Variants in ESCO2 observed in about 807,000 individuals in gnomAD.
ESCO2 encodes the protein N-acetyltransferase ESCO2.
A neutral mutation model predicts 61.7 loss-of-function variants in ESCO2; 51 were observed. The observed-to-expected ratio is 0.83, with a 90% CI of 0.66 to 1.04. The LOEUF (loss-of-function observed/expected upper bound fraction) is 1.04, where lower values mean the gene tolerates loss of function less well. Among genes scored for constraint, ESCO2 ranks in the 50% least tolerant of loss-of-function variants. The pLI, the probability that ESCO2 is intolerant of heterozygous loss-of-function variation, is 0.00. For missense variants in ESCO2, 692 were observed against 686.2 expected, an observed-to-expected ratio of 1.01 and a Z score of -0.09; for synonymous variants, 230 against 238.2, an observed-to-expected ratio of 0.97 and a Z score of 0.32.
At chr8:27,772,635 G>A (rs7842666), upstream of ESCO2, 701,054 of 1,294,464 alleles carry the variant, frequency 0.54, 192,146 homozygotes, top group East Asian at 0.82. Context: ...CCTGGCCCCC[G>A]GAACTCCTCC....
upstream of ESCO2, chr8:27,774,254 C>T (rs940600656): frequency 7.9e-5 from 12 of 151,978 alleles, no homozygotes; most frequent in Non-Finnish European, 1.8e-4. Flanking sequence ...AATTTCTTAC[C>T]CCGTGACCCC....
At chr8:27,812,816 A>G (rs1358754681), downstream of ESCO2, among the ~76,000 whole-genome samples, 1 of 152,118 alleles carries the variant, frequency 6.6e-6, no homozygotes, top group Admixed American at 6.5e-5. Context: ...AAAGTCAGGA[A>G]ACAACAGATG....
At chr8:27,790,726 A>C (rs1454937316) in intron 7 of ESCO2, among the ~76,000 whole-genome samples, 1 of 152,204 alleles carries the variant, frequency 6.6e-6, no homozygotes, top group East Asian at 1.9e-4. Flanking sequence ...ATAGTGTTAG[A>C]GATGGATCCT....
intron 7 of ESCO2, among the ~76,000 whole-genome samples, chr8:27,790,811 A>C (rs544499260): frequency 6.6e-6 from 1 of 152,200 alleles, no homozygotes; most frequent in Non-Finnish European, 1.5e-5. Context: ...CTGATTAGCA[A>C]TGCCACGTTT....
intron 3 of ESCO2, 88 bp downstream of exon 3, chr8:27,777,257 C>A: frequency 1.6e-6 from 2 of 1,271,160 alleles, no homozygotes; most frequent in Non-Finnish European, 2.2e-6. Context: ...ATTTTCTGGA[C>A]TGCTTTTATA....
At chr8:27,810,404 G>A (rs1458723181), downstream of ESCO2, 8 of 1,606,208 alleles carry the variant, frequency 5.0e-6, no homozygotes, top group Non-Finnish European at 6.8e-6. Context: ...TTACTTTCTG[G>A]TATGATTCAT....
At chr8:27,808,338 G>T (rs1805604950), downstream of ESCO2, 1 of 524,340 alleles carries the variant, frequency 1.9e-6, no homozygotes, top group Non-Finnish European at 2.8e-6. Context: ...TTTCCTGGGA[G>T]GTGAGAAAGC....
At chr8:27,805,636 C>CT (rs1198223789), downstream of ESCO2, among the ~76,000 whole-genome samples, 3 of 151,906 alleles carry the variant, frequency 2.0e-5, no homozygotes, top group East Asian at 3.9e-4. Flanking sequence ...TGGTTTCTTT[C>CT]TTTTTTTCCC....
intron 9 of ESCO2, among the ~76,000 whole-genome samples, chr8:27,795,188 A>G (rs1433565120): frequency 1.3e-5 from 2 of 152,146 alleles, no homozygotes; most frequent in Admixed American, 1.3e-4. Flanking sequence ...GATATTCTTC[A>G]TCTTCTTTCA....
downstream of ESCO2, among the ~76,000 whole-genome samples, chr8:27,814,787 C>T (rs1805779137): frequency 6.6e-6 from 1 of 152,094 alleles, no homozygotes; most frequent in Non-Finnish European, 1.5e-5. Context: ...TACTGAATTT[C>T]CAAATACTTG....
chr8:27,803,560 A>ACG lies in ESCO2; in HGVS notation c.*123_*124insGC, dbSNP rs1805500196. 2 of 1,457,502 alleles carry ACG rather than the reference A, an allele frequency of 1.4e-6. No homozygotes were observed. Among genetic ancestry groups the ACG allele is most frequent in the Non-Finnish European group, 1.8e-6 (2 of 1,112,350 alleles). 90.3% of individuals were successfully genotyped at this position (1,457,502 alleles called of 1,614,324 possible). On this transcript the variant is annotated 3_prime_UTR_variant, in exon 11 of 11. Coordinates refer to ENST00000305188, the MANE Select transcript of ESCO2 (RefSeq NM_001017420.3). ...GAGACTCACACTCATACACACACAC[A>ACG]CACACACGCACACACACATATCACA...
chr8:27,776,332 C>T, intron 2 of ESCO2, 30 bp from the exon 3 acceptor site: 1 of 1,565,442 alleles, frequency 6.4e-7, no homozygotes, highest in Non-Finnish European at 8.7e-7. Context: ...GCAAAATAAT[C>T]TTATCAATGG....
downstream of ESCO2, chr8:27,809,930 C>A: frequency 5.6e-6 from 1 of 178,828 alleles, no homozygotes; most frequent in Non-Finnish European, 1.2e-5. Flanking sequence ...TTATTTTGTA[C>A]TGTACAAAGT....
At chr8:27,782,477 T>G (rs1346252032) in intron 4 of ESCO2, among the ~76,000 whole-genome samples, 1 of 152,136 alleles carries the variant, frequency 6.6e-6, no homozygotes, top group African/African-American at 2.4e-5. Context: ...TTGGGCAGGG[T>G]GGTCTCAAAC....
chr8:27,786,804 ACTT>A (rs1308049470), intron 5 of ESCO2, among the ~76,000 whole-genome samples: 11 of 71,400 alleles, frequency 1.5e-4, no homozygotes, highest in African/African-American at 6.2e-4. Context: ...TTTTTTTTCT[ACTT>A]TGTCAGGTTT....
upstream of ESCO2, chr8:27,772,601 A>G (rs1348753481): frequency 2.0e-6 from 3 of 1,507,592 alleles, no homozygotes; most frequent in Admixed American, 2.0e-5. Flanking sequence ...CACGAAGCTC[A>G]GGATACCAGA....
At chr8:27,796,731 C>G (rs547254722) in intron 9 of ESCO2, among the ~76,000 whole-genome samples, 47 of 152,310 alleles carry the variant, frequency 3.1e-4, no homozygotes, top group African/African-American at 1.1e-3. Flanking sequence ...TATGAATGTT[C>G]TGTGTGCACT....
intron 5 of ESCO2, among the ~76,000 whole-genome samples, chr8:27,786,436 A>G (rs1034650555): frequency 6.6e-6 from 1 of 152,208 alleles, no homozygotes; most frequent in Non-Finnish European, 1.5e-5. Flanking sequence ...GTGCCTGGGC[A>G]TGACTGCCCT....
rs1585389929 is a variant in ESCO2, at chr8:27,776,572, C to T, written c.264C>T (p.Asn88=). Residue 88 remains asparagine (N), a synonymous_variant, in exon 3 of 11, where the codon AAC becomes AAT. Coordinates refer to ENST00000305188, the MANE Select transcript of ESCO2 (RefSeq NM_001017420.3). ...KSALSTVSFY[N]QNKWYLNPLE... is the part of the protein sequence containing the mutation. ...CGCTCTCCACTGTATCTTTTTACAA[C>T]CAAAATAAGTGGTACCTCAATCCAC... 6.2e-7 allele frequency: 1 copy of T among 1,614,048 alleles called. No individual in the cohort carries two copies. The highest frequency in any genetic ancestry group is 8.5e-7 in the Non-Finnish European group (1 of 1,179,992).
Sources: gnomAD v4.1 joint callset for allele counts (sites outside exome capture counted in the v4.1 genomes callset) on GRCh38, gnomAD v4.1.1 for gene constraint, MANE v1.5 for transcripts, NCBI Gene and HGNC (gene_info 2026-07-23, HGNC 2026-07-21) for gene names.